FAM13B: variants seen among roughly 807,000 people sequenced by gnomAD.
FAM13B encodes protein FAM13B.
Under a neutral mutation model 117.3 loss-of-function variants are expected in FAM13B, and 60 were observed. That is an observed-to-expected ratio of 0.51 (90% CI 0.42 to 0.63). The LOEUF (loss-of-function observed/expected upper bound fraction) is 0.63, where lower values mean the gene tolerates loss of function less well. Among genes scored for constraint, FAM13B ranks in the 30% least tolerant of loss-of-function variants. The pLI, the probability that FAM13B is intolerant of heterozygous loss-of-function variation, is 0.00. For synonymous variants in FAM13B, 332 were observed against 356.1 expected (o/e 0.93, Z 0.76); for missense variants, 972 against 1,091.9 (o/e 0.89, Z 1.55).
At chr5:138,036,965 A>G (rs1474071168), upstream of FAM13B, 3 of 286,746 alleles carry the variant, frequency 1.0e-5, no homozygotes, top group Non-Finnish European at 2.0e-5. Flanking sequence ...GGATGCTGGT[A>G]AACATCCTTT....
At chr5:137,968,537 T>C (rs973329757) in intron 10 of FAM13B, among the ~76,000 whole-genome samples, 3 of 152,180 alleles carry the variant, frequency 2.0e-5, no homozygotes, top group Non-Finnish European at 4.4e-5. Flanking sequence ...CTACAGTTTA[T>C]GTAGATCACA....
At chr5:137,967,905 TA>T (rs997871281) in intron 10 of FAM13B, among the ~76,000 whole-genome samples, 2 of 150,600 alleles carry the variant, frequency 1.3e-5, no homozygotes, top group African/African-American at 4.9e-5. Flanking sequence ...AAAAATAGAA[TA>T]AAAAGACTTA....
At chr5:138,008,134 CT>C (rs1326528517) in intron 6 of FAM13B, among the ~76,000 whole-genome samples, 1 of 152,120 alleles carries the variant, frequency 6.6e-6, no homozygotes, top group Non-Finnish European at 1.5e-5. Context: ...TACAGAGTGC[CT>C]ATTTTAAAGT....
chr5:137,962,296 T>C, intron 11 of FAM13B, 109 bp downstream of exon 11: 1 of 833,588 alleles, frequency 1.2e-6, no homozygotes, highest in Admixed American at 2.5e-5. Flanking sequence ...TTTAAGATTA[T>C]CTAAACTATA....
At chr5:137,995,894 T>C (rs1401502799) in intron 7 of FAM13B, among the ~76,000 whole-genome samples, 1 of 152,224 alleles carries the variant, frequency 6.6e-6, no homozygotes, top group African/African-American at 2.4e-5. Context: ...GCATAAATTC[T>C]ACTTGTTACT....
intron 10 of FAM13B, among the ~76,000 whole-genome samples, chr5:137,982,062 A>AC (rs1436114451): frequency 6.6e-6 from 1 of 152,220 alleles, no homozygotes; most frequent in Non-Finnish European, 1.5e-5. Context: ...TTTGATAGCT[A>AC]GAAGGCACTG....
At chr5:137,942,390 A>G in intron 22 of FAM13B, 1 of 246,556 alleles carries the variant, frequency 4.1e-6, no homozygotes. Flanking sequence ...TTAGAGACAG[A>G]GTCTCACTCT....
intron 1 of FAM13B, among the ~76,000 whole-genome samples, chr5:138,040,409 AATATTAAAAAAAATTAGCTCGGC>A (rs565356765): frequency 6.9e-4 from 105 of 151,912 alleles, no homozygotes; most frequent in African/African-American, 2.4e-3. Context: ...CTCTACTAAA[AATATTAAAAAAAATTAGCTCGGC>A]ATGGTGGTGC....
At position 137,992,983 on chromosome 5, in the gene FAM13B, T is replaced by A. The variant is rs1372240511; in HGVS notation, c.849-4668A>T. On this transcript the variant is annotated intron_variant, in intron 7 of 23. Coordinates refer to ENST00000689681, the MANE Select transcript of FAM13B (RefSeq NM_001385994.1). Reference sequence around the variant, plus strand: ...AGCAAAATGGATAATTGTGGTGTAATCATACAAGAGGATACTTTACAACGA... The same window carrying A: ...AGCAAAATGGATAATTGTGGTGTAAACATACAAGAGGATACTTTACAACGA... Among the ~76,000 whole-genome samples the A allele has an allele frequency of 3.7e-5, 4 of 109,452 alleles. No individual in the cohort carries two copies. In the Admixed American group the frequency reaches 4.2e-4, roughly 11 times the overall value. The allele number at this position is 109,452 out of a possible 152,430, so 71.8% of individuals were successfully genotyped here. A position where few individuals can be genotyped will look rare whatever the true frequency, so the allele number is the denominator to read the frequency against.
chr5:137,993,794 A>G (rs1779223795), intron 7 of FAM13B, among the ~76,000 whole-genome samples: 1 of 152,190 alleles, frequency 6.6e-6, no homozygotes, highest in South Asian at 2.1e-4. Flanking sequence ...CTCAAAATAA[A>G]TAAATAAATA....
At chr5:138,021,318 C>A (rs1786648576) in intron 1 of FAM13B, 121 bp from the exon 2 acceptor site, 1 of 797,280 alleles carries the variant, frequency 1.3e-6, no homozygotes, top group Non-Finnish European at 1.7e-6. Flanking sequence ...ATTCTTCTGT[C>A]TGAAAAATCT....
chr5:138,003,898 C>T (rs1268401114), intron 7 of FAM13B, among the ~76,000 whole-genome samples: 2 of 152,134 alleles, frequency 1.3e-5, no homozygotes, highest in Non-Finnish European at 2.9e-5. Flanking sequence ...TTGACTGTAG[C>T]CCAGAATCCT....
chr5:138,047,731 A>C (rs1791684018), intron 1 of FAM13B, among the ~76,000 whole-genome samples: 1 of 152,226 alleles, frequency 6.6e-6, no homozygotes, highest in South Asian at 2.1e-4. Flanking sequence ...GTATGAGAAT[A>C]ACTCAATCTG....
intron 10 of FAM13B, among the ~76,000 whole-genome samples, chr5:137,977,580 T>C (rs894137966): frequency 6.6e-6 from 1 of 152,114 alleles, no homozygotes; most frequent in African/African-American, 2.4e-5. Context: ...TTAGGGAAAA[T>C]AGAAAAGAAC....
intron 17 of FAM13B, among the ~76,000 whole-genome samples, chr5:137,949,739 G>A (rs1399998983): frequency 1.3e-5 from 2 of 151,568 alleles, no homozygotes; most frequent in Non-Finnish European, 2.9e-5. Flanking sequence ...GGCGGAGGTT[G>A]CAGTGAGCCA....
intron 15 of FAM13B, among the ~76,000 whole-genome samples, chr5:137,953,716 A>G (rs1439740415): frequency 1.3e-5 from 2 of 152,210 alleles, no homozygotes; most frequent in Non-Finnish European, 2.9e-5. Flanking sequence ...AGAAACAAAG[A>G]TACCTAGCAG....
chr5:138,011,219 A>G lies in FAM13B; in HGVS notation c.549-70T>C. ...CACAGGTAAAGGTAGAAGACAACCA[A>G]TGAGATACTTTATGAACATGGGCAA... is the stretch of plus-strand genomic sequence containing the variant. On this transcript the variant is annotated intron_variant, in intron 5 of 23. Transcript: ENST00000689681. 2.1e-6 allele frequency: 3 copies of G among 1,415,902 alleles called. No homozygotes were observed. The South Asian group carries it at 3.9e-5, about 18-fold the overall frequency. 87.7% of individuals were successfully genotyped at this position (1,415,902 alleles called of 1,614,324 possible). A position where few individuals can be genotyped will look rare whatever the true frequency, so the allele number is the denominator to read the frequency against.
intron 1 of FAM13B, among the ~76,000 whole-genome samples, chr5:138,050,601 C>G (rs1353276782): frequency 6.6e-6 from 1 of 152,170 alleles, no homozygotes; most frequent in Non-Finnish European, 1.5e-5. Context: ...TCCAAAGAAG[C>G]CCAAGACCTT....
intron 1 of FAM13B, among the ~76,000 whole-genome samples, chr5:138,026,193 AAC>A: frequency 6.6e-6 from 1 of 152,310 alleles, no homozygotes; most frequent in East Asian, 1.9e-4. Context: ...AGAAAACTGA[AAC>A]ACAGAACTTT....
Sources: gnomAD v4.1 joint callset for allele counts (sites outside exome capture counted in the v4.1 genomes callset) on GRCh38, gnomAD v4.1.1 for gene constraint, MANE v1.5 for transcripts, NCBI Gene and HGNC (gene_info 2026-07-23, HGNC 2026-07-21) for gene names.